Variants in CEP290 observed in about 807,000 individuals in gnomAD.
CEP290 encodes the protein centrosomal protein 290, also known as centrosomal protein of 290 kDa.
A neutral mutation model predicts 344.9 loss-of-function variants in CEP290; 317 were observed. That is an observed-to-expected ratio of 0.92 (90% CI 0.84 to 1.01). The LOEUF (loss-of-function observed/expected upper bound fraction) is 1.01, where lower values mean the gene tolerates loss of function less well. Ranked by LOEUF, CEP290 falls within the 50% of genes least tolerant of loss-of-function variation. The pLI is 0.00. For missense variants in CEP290, 2,754 were observed against 2,761.4 expected, an observed-to-expected ratio of 1.00 and a Z score of 0.06; for synonymous variants, 932 against 895.8, an observed-to-expected ratio of 1.04 and a Z score of -0.72.
intron 25 of CEP290, among the ~76,000 whole-genome samples, chr12:88,104,916 T>A (rs1216654780): frequency 6.6e-6 from 1 of 152,080 alleles, no homozygotes; most frequent in Non-Finnish European, 1.5e-5. Context: ...TTAGTAAAAA[T>A]CCGATACTAT....
At chr12:88,136,485 G>A in intron 6 of CEP290, 158 bp downstream of exon 6, 4 of 667,338 alleles carry the variant, frequency 6.0e-6, no homozygotes, top group Non-Finnish European at 1.0e-5. Context: ...TTTTAAAATT[G>A]GTGATGACAA....
At chr12:88,113,172 C>A (rs1592613214) in intron 20 of CEP290, among the ~76,000 whole-genome samples, 1 of 152,026 alleles carries the variant, frequency 6.6e-6, no homozygotes, top group African/African-American at 2.4e-5. Flanking sequence ...CAGAGATTGT[C>A]AACATAAATA....
At chr12:88,093,654 G>A in intron 28 of CEP290, 116 bp downstream of exon 28, 2 of 684,904 alleles carry the variant, frequency 2.9e-6, no homozygotes, top group Non-Finnish European at 4.9e-6. Flanking sequence ...CAAAACATAG[G>A]CACTATATTA....
At chr12:88,122,567 TAC>T (rs2137948712) in intron 13 of CEP290, among the ~76,000 whole-genome samples, 1 of 152,214 alleles carries the variant, frequency 6.6e-6, no homozygotes, top group East Asian at 1.9e-4. Context: ...AGATGTAGAG[TAC>T]AGTCTAGTAC....
At chr12:88,077,666 C>A in intron 40 of CEP290, 31 bp downstream of exon 40, 1 of 1,228,826 alleles carries the variant, frequency 8.1e-7, no homozygotes, top group Non-Finnish European at 1.1e-6. Flanking sequence ...TATTGTAAAT[C>A]AGACATTATC....
At chr12:88,122,882 A>C (rs2039495315) in intron 13 of CEP290, among the ~76,000 whole-genome samples, 1 of 152,060 alleles carries the variant, frequency 6.6e-6, no homozygotes, top group Non-Finnish European at 1.5e-5. Flanking sequence ...ACCATTTTAT[A>C]CTTTCACTTC....
chr12:88,111,225 C>T lies in CEP290; in HGVS notation c.2344G>A (p.Glu782Lys). 7.1e-7 allele frequency: 1 copy of T among 1,411,382 alleles called. No homozygotes were observed. The highest frequency in any genetic ancestry group is 1.8e-5 in the South Asian group (1 of 55,490). 87.4% of individuals were successfully genotyped at this position (1,411,382 alleles called of 1,614,324 possible). ...ACCTGTAACAAATGTATTAAATATTCATTCTGAGAATTAATGATACTGGCA... is the reference window on the plus strand; with the variant it reads ...ACCTGTAACAAATGTATTAAATATTTATTCTGAGAATTAATGATACTGGCA... ...SSASIINSQN[E>K]YLIHLLQELE... The change falls in exon 22 of 54, where the codon GAA becomes AAA. Residue 782 changes from glutamate to lysine, a missense_variant. Physicochemically the swap from Glu to Lys is moderately conservative, Grantham distance 56. Coordinates refer to ENST00000552810, the MANE Select transcript of CEP290 (RefSeq NM_025114.4).
chr12:88,121,992 C>T (rs985903442), intron 13 of CEP290, among the ~76,000 whole-genome samples: 1 of 152,128 alleles, frequency 6.6e-6, no homozygotes, highest in Non-Finnish European at 1.5e-5. Flanking sequence ...CATAATATTG[C>T]TATCATTCCA....
chr12:88,053,970 G>A (rs1481056685), intron 51 of CEP290, among the ~76,000 whole-genome samples: 1 of 152,134 alleles, frequency 6.6e-6, no homozygotes, highest in African/African-American at 2.4e-5. Context: ...GCATTTGCAA[G>A]TGTGGTTTCG....
In CEP290 at chr12:88,100,711, A is replaced by T. The variant is rs114263606; in HGVS notation, c.2991+2127T>A. ...TATGTACTATGTACAAAACCTATGT[A>T]TAAGATGCAGAACTAGTGTAGACAG... On this transcript the variant is annotated intron_variant, in intron 26 of 53. Coordinates refer to ENST00000552810, the MANE Select transcript of CEP290 (RefSeq NM_025114.4). Among the ~76,000 whole-genome samples the T allele has an allele frequency of 2.8e-3, 432 of 152,366 alleles. 2 individuals carry two copies. The highest frequency in any genetic ancestry group is 9.7e-3 in the African/African-American group (404 of 41,584).
At chr12:88,066,281 A>T (rs1435568674) in intron 44 of CEP290, among the ~76,000 whole-genome samples, 2 of 152,086 alleles carry the variant, frequency 1.3e-5, no homozygotes, top group Non-Finnish European at 2.9e-5. Flanking sequence ...AGTTAGACTG[A>T]TATTCTGCAA....
At chr12:88,125,078 T>C (rs1451660102) in intron 13 of CEP290, among the ~76,000 whole-genome samples, 168 bp downstream of exon 13, 1 of 151,924 alleles carries the variant, frequency 6.6e-6, no homozygotes. Context: ...CATTTACAAA[T>C]GTAAGCACTA....
Position 88,079,159 on chromosome 12 carries a change from G to A in CEP290, c.5297C>T (p.Ala1766Val), listed in dbSNP as rs1189408217. Residue 1766 changes from alanine to valine, a missense_variant, in exon 39 of 54, where the codon GCA becomes GTA. Coordinates refer to ENST00000552810, the MANE Select transcript of CEP290 (RefSeq NM_025114.4). ...GAGATGGGCCTCTTTTTGAGAAGTT[G>A]CAGAAATAATACGTTCTTCAGCAGC... ...TAAAEERIIS[A>V]TSQKEAHLNV... 6.2e-7 allele frequency: 1 copy of A among 1,603,772 alleles called. No individual in the cohort carries two copies. Among genetic ancestry groups the A allele is most frequent in the South Asian group, 1.1e-5 (1 of 88,696 alleles).
Position 88,130,375 on chromosome 12 carries a change from C to A in CEP290, c.562G>T (p.Asp188Tyr), listed in dbSNP as rs2039991338. ...QDIIDYQKQI[D>Y]SQKETLLSRR... ...GATAAAAGTGTTTCTTTCTGTGAAT[C>A]TATTTGTTTCTGGTAGTCAATAATA... The change falls in exon 9 of 54, where the codon GAT becomes TAT. Residue 188 changes from aspartate to tyrosine, a missense_variant. Coordinates refer to ENST00000552810, the MANE Select transcript of CEP290 (RefSeq NM_025114.4). The A allele has an allele frequency of 6.2e-7, 1 of 1,610,268 alleles. No individual in the cohort carries two copies. Among genetic ancestry groups the A allele is most frequent in the Non-Finnish European group, 8.5e-7 (1 of 1,178,596 alleles).
chr12:88,088,062 A>G, intron 31 of CEP290, 118 bp from the exon 32 acceptor site: 1 of 414,286 alleles, frequency 2.4e-6, no homozygotes, highest in Non-Finnish European at 4.2e-6. Context: ...AATAAGACAC[A>G]ATGTTATCTT....
intron 49 of CEP290, among the ~76,000 whole-genome samples, chr12:88,056,502 G>T: frequency 6.6e-6 from 1 of 152,150 alleles, no homozygotes; most frequent in East Asian, 1.9e-4. Flanking sequence ...ATAGATCTTA[G>T]AAACTTAGAT....
At position 88,126,372 on chromosome 12, in the gene CEP290, T is replaced by G; in HGVS notation, c.1009A>C (p.Lys337Gln). The part of the protein sequence containing the change: ...YQQMLHNLRE[K>Q]LKNAQLDADK... ...GCATCAAGCTGAGCATTCTTAAGTT[T>G]CTCCCTTAGGTTATGTAACATTTGC... Residue 337 changes from lysine to glutamine, a missense_variant, in exon 12 of 54, where the codon AAA (lysine) becomes CAA (glutamine). Coordinates refer to ENST00000552810, the MANE Select transcript of CEP290 (RefSeq NM_025114.4). The G allele has an allele frequency of 6.6e-7, 1 of 1,514,054 alleles. No homozygotes were observed. The highest frequency in any genetic ancestry group is 8.8e-7 in the Non-Finnish European group (1 of 1,135,916). 93.8% of individuals were successfully genotyped at this position (1,514,054 alleles called of 1,614,324 possible).
At position 88,106,900 on chromosome 12, in the gene CEP290, C is replaced by A. The variant is rs1197446816; in HGVS notation, c.2592G>T (p.Leu864Phe). The change falls in exon 25 of 54, where the codon TTG becomes TTT. Residue 864 changes from leucine to phenylalanine, a missense_variant. Coordinates refer to ENST00000552810, the MANE Select transcript of CEP290 (RefSeq NM_025114.4). ...CCGAATCCATCTGAAGAGCATTGAG[C>A]AAATTCTGCACAAAGACACATCCAT... ...DAIKVKEYNN[L>F]LNALQMDSDE... The A allele has an allele frequency of 6.2e-7, 1 of 1,601,662 alleles. No homozygotes were observed. Among genetic ancestry groups the A allele is most frequent in the Non-Finnish European group, 8.5e-7 (1 of 1,173,334 alleles).
intron 18 of CEP290, chr12:88,116,040 T>C (rs2039017543): frequency 2.0e-6 from 2 of 985,426 alleles, no homozygotes; most frequent in African/African-American, 3.5e-5. Flanking sequence ...TTCATGAATT[T>C]GTTGACAAAA....
Sources: gnomAD v4.1 joint callset for allele counts (sites outside exome capture counted in the v4.1 genomes callset) on GRCh38, gnomAD v4.1.1 for gene constraint, MANE v1.5 for transcripts, NCBI Gene and HGNC (gene_info 2026-07-23, HGNC 2026-07-21) for gene names.